The following MELK variants were observed in gnomAD, a reference collection of about 807,000 sequenced individuals.
MELK encodes maternal embryonic leucine zipper kinase.
In MELK, 81 loss-of-function variants were observed where a neutral mutation model predicts 85.0. The observed-to-expected ratio is 0.95, with a 90% CI of 0.80 to 1.15. MELK has a LOEUF of 1.15. Ranked by LOEUF, MELK falls within the 50% of genes most tolerant of loss-of-function variation. The probability of loss-of-function intolerance (pLI) is 0.00; values close to 1 mark genes in which losing one functional copy is unlikely to be tolerated. For synonymous variants in MELK, 252 were observed against 265.0 expected, an observed-to-expected ratio of 0.95 and a Z score of 0.48; for missense variants, 754 against 777.5, an observed-to-expected ratio of 0.97 and a Z score of 0.36.
At chr9:36,573,155 C>G (rs1198136114) in intron 1 of MELK, 148 bp downstream of exon 1, 2 of 152,290 alleles carry the variant, frequency 1.3e-5, no homozygotes, top group Non-Finnish European at 2.9e-5. Context: ...GCCCTGTTCC[C>G]TGGATAAGAT....
intron 13 of MELK, among the ~76,000 whole-genome samples, chr9:36,664,297 A>G (rs1209866003): frequency 6.6e-6 from 1 of 152,142 alleles, no homozygotes; most frequent in African/African-American, 2.4e-5. Context: ...TGAAATCTTT[A>G]TGCTCATAGT....
rs1420463762 is a variant in MELK, at chr9:36,643,011, T to A, written c.849T>A (p.Asp283Glu). ...TTTTTTTGTAGTTTATTCACCTCGA[T>A]GATGATTGCGTAACAGAACTTTCTG... Reference protein sequence around the residue: ...WQSKNPFIHLDDDCVTELSVH... With the variant: ...WQSKNPFIHLEDDCVTELSVH... Residue 283 changes from aspartate to glutamate, a missense_variant, in exon 11 of 18, where the codon GAT (aspartate) becomes GAA (glutamate). Transcript: ENST00000298048. 2 of 1,609,498 alleles carry A rather than the reference T, an allele frequency of 1.2e-6. No homozygotes were observed. Among genetic ancestry groups the A allele is most frequent in the African/African-American group, 2.7e-5 (2 of 74,756 alleles).
At chr9:36,601,190 A>T (rs979278988) in intron 7 of MELK, among the ~76,000 whole-genome samples, 2 of 152,224 alleles carry the variant, frequency 1.3e-5, no homozygotes, top group Non-Finnish European at 2.9e-5. Flanking sequence ...ATTCATATTC[A>T]AATGGTATTA....
At chr9:36,585,302 GTTTTTTTTTTT>G (rs869244728) in intron 3 of MELK, among the ~76,000 whole-genome samples, 7 of 77,830 alleles carry the variant, frequency 9.0e-5, no homozygotes, top group African/African-American at 1.7e-4. Context: ...ACCATTCTTT[GTTTTTTTTTTT>G]TTTTTTTTTT....
intron 11 of MELK, among the ~76,000 whole-genome samples, chr9:36,643,586 A>G (rs1187274523): frequency 2.0e-5 from 3 of 152,190 alleles, no homozygotes; most frequent in African/African-American, 7.2e-5. Context: ...TTCTTTAAAA[A>G]TGAACACTCC....
At chr9:36,611,508 G>T (rs570467865) in intron 8 of MELK, among the ~76,000 whole-genome samples, 1 of 152,072 alleles carries the variant, frequency 6.6e-6, no homozygotes, top group East Asian at 1.9e-4. Context: ...ATTGCTTGGG[G>T]TGCTTTAAAG....
At chr9:36,577,084 AGG>A (rs1185477617) in intron 1 of MELK, among the ~76,000 whole-genome samples, 1 of 152,138 alleles carries the variant, frequency 6.6e-6, no homozygotes, top group East Asian at 1.9e-4. Context: ...CTCACACTCT[AGG>A]TCTTCCAAAT....
At chr9:36,581,394 T>C (rs1413969403) in intron 1 of MELK, among the ~76,000 whole-genome samples, 3 of 152,002 alleles carry the variant, frequency 2.0e-5, no homozygotes, top group Non-Finnish European at 2.9e-5. Flanking sequence ...TAAGTGATCC[T>C]CTCCTATCCT....
chr9:36,646,544 A>G (rs1009429138), intron 11 of MELK, among the ~76,000 whole-genome samples: 4 of 152,170 alleles, frequency 2.6e-5, no homozygotes, highest in African/African-American at 9.7e-5. Flanking sequence ...ATCTCATTGT[A>G]TTCCTTTTGA....
At chr9:36,636,831 GTCTT>G (rs1829263131) in intron 10 of MELK, among the ~76,000 whole-genome samples, 1 of 82,476 alleles carries the variant, frequency 1.2e-5, no homozygotes, top group Non-Finnish European at 2.7e-5. Flanking sequence ...TGTCTTTCTT[GTCTT>G]TCTTGTCTTT....
chr9:36,585,617 T>C (rs1289279923), intron 3 of MELK, among the ~76,000 whole-genome samples: 1 of 152,134 alleles, frequency 6.6e-6, no homozygotes, highest in Non-Finnish European at 1.5e-5. Context: ...TAACATTTTG[T>C]AATTGTCCTT....
Position 36,643,062 on chromosome 9 carries a change from A to C in MELK, c.900A>C (p.Thr300=). 1.2e-6 allele frequency: 2 copies of C among 1,612,786 alleles called. No individual in the cohort carries two copies. The highest frequency in any genetic ancestry group is 4.5e-5 in the East Asian group (2 of 44,826). Residue 300 remains threonine (T), a synonymous_variant, in exon 11 of 18, where the codon ACA becomes ACC. Coordinates refer to ENST00000298048, the MANE Select transcript of MELK (RefSeq NM_014791.4). ...TACATCACAGAAACAACAGGCAAAC[A>C]ATGGAGGATTTAATTTCACTGGTAA... ...LSVHHRNNRQ[T]MEDLISLWQY... is the part of the protein sequence containing the mutation.
Position 36,677,178 on chromosome 9 carries a change from AAC to A in MELK, c.1801_1802del (p.Gln601ValfsTer11). 1 of 1,613,896 alleles carries A rather than the reference AAC, an allele frequency of 6.2e-7. No homozygotes were observed. Among genetic ancestry groups the A allele is most frequent in the South Asian group, 1.1e-5 (1 of 90,976 alleles). On this transcript the variant is annotated frameshift_variant, in exon 18 of 18. Coordinates refer to ENST00000298048, the MANE Select transcript of MELK (RefSeq NM_014791.4). LOFTEE classifies it high-confidence loss of function. ...TTCACAGTTATACACTGAAGTGTCA[AAC>A]ACAGTCAGATTTTGGGAAAGTGACA... ...VQKGYTLKCQ[T>X]QSDFGKVTMQ...
chr9:36,622,219 A>G (rs1040011414), intron 8 of MELK, among the ~76,000 whole-genome samples: 3 of 152,184 alleles, frequency 2.0e-5, no homozygotes, highest in Non-Finnish European at 4.4e-5. Flanking sequence ...CACATTATAG[A>G]TTTTGAAATT....
Position 36,590,890 on chromosome 9 carries a change from A to G in MELK, c.261+1238A>G, listed in dbSNP as rs372083356. On this transcript the variant is annotated intron_variant, in intron 4 of 17. Transcript: ENST00000298048. ...CAGTGGTTTAAAACCAGCCTCAGTA[A>G]CATAGCAAGACCCTGTCTCTACATA... Among the ~76,000 whole-genome samples the G allele has an allele frequency of 2.8e-4, 42 of 152,162 alleles. 1 individual carries two copies. In the South Asian group the frequency reaches 7.3e-3, roughly 26 times the overall value.
At chr9:36,580,251 A>G (rs1822084614) in intron 1 of MELK, among the ~76,000 whole-genome samples, 1 of 151,568 alleles carries the variant, frequency 6.6e-6, no homozygotes, top group South Asian at 2.1e-4. Context: ...AATGGTCTCC[A>G]TTTCCTGACC....
chr9:36,666,853 TTGTGTG>T (rs5897643), intron 14 of MELK, among the ~76,000 whole-genome samples: 7,025 of 130,642 alleles, frequency 0.054, 182 homozygotes, highest in African/African-American at 0.068. Flanking sequence ...ATGTCTGTGT[TTGTGTG>T]TGTGTGTGTG....
At chr9:36,577,744 C>T (rs1478784916) in intron 1 of MELK, among the ~76,000 whole-genome samples, 3 of 151,992 alleles carry the variant, frequency 2.0e-5, no homozygotes, top group Non-Finnish European at 2.9e-5. Context: ...CTCTGCTTCC[C>T]GGGTTCAAGT....
chr9:36,677,121 G>A, intron 17 of MELK, 39 bp from the exon 18 acceptor site: 1 of 1,575,050 alleles, frequency 6.3e-7, no homozygotes, highest in South Asian at 1.1e-5. Context: ...ACAGAATATG[G>A]TTCTCCTACT....
Sources: allele counts gnomAD v4.1 joint callset (sites outside exome capture counted in the v4.1 genomes callset), GRCh38; gene constraint gnomAD v4.1.1; transcripts MANE v1.5; gene names NCBI Gene and HGNC (gene_info 2026-07-23, HGNC 2026-07-21).